Variants in DYRK1B observed in about 807,000 individuals in gnomAD.
DYRK1B encodes the protein dual specificity tyrosine-phosphorylation-regulated kinase 1B.
A neutral mutation model predicts 57.1 loss-of-function variants in DYRK1B; 20 were observed. That is an observed-to-expected ratio of 0.35 (90% CI 0.25 to 0.51). The LOEUF (loss-of-function observed/expected upper bound fraction) is 0.51, where lower values mean the gene tolerates loss of function less well. DYRK1B is among the 20% of genes least tolerant of loss of function. DYRK1B has a pLI of 0.96. For missense variants in DYRK1B, 732 were observed against 886.3 expected (o/e 0.83, Z 2.21); for synonymous variants, 409 against 384.7 (o/e 1.06, Z -0.74).
rs370097446 is a variant in DYRK1B, at chr19:39,826,546, G to A, written c.1411+126C>T. ...CAGTTGGAGCTCTCCCATCCCACACGTCATCTTACAGTTCAGGATCAGTTT... is the reference window on the plus strand; with the variant it reads ...CAGTTGGAGCTCTCCCATCCCACACATCATCTTACAGTTCAGGATCAGTTT... On this transcript the variant is annotated intron_variant, in intron 9 of 10. Coordinates refer to ENST00000323039, the MANE Select transcript of DYRK1B (RefSeq NM_004714.3). The surrounding 1 kb of genome is among the most constrained non-coding windows in gnomAD (Gnocchi z 6.3). 5.2e-5 allele frequency: 59 copies of A among 1,132,836 alleles called. No individual in the cohort carries two copies. The East Asian group carries it at 8.2e-4, about 16-fold the overall frequency. The allele number at this position is 1,132,836 out of a possible 1,614,324, so 70.2% of individuals were successfully genotyped here.
At position 39,829,921 on chromosome 19, in the gene DYRK1B, T is replaced by C; in HGVS notation, c.479A>G (p.Glu160Gly). The change falls in exon 5 of 11, where the codon GAG (glutamate) becomes GGG (glycine). Residue 160 changes from glutamate to glycine, a missense_variant. Coordinates refer to ENST00000323039, the MANE Select transcript of DYRK1B (RefSeq NM_004714.3). ...CTCCGTGTCATGCTGGTTCATCAGC[T>C]CCAGCAGCCGCAGCTCAATCTGGGC... ...NQAQIELRLL[E>G]LMNQHDTEMK... The C allele has an allele frequency of 6.2e-7, 1 of 1,614,062 alleles. No individual in the cohort carries two copies.
intron 1 of DYRK1B, among the ~76,000 whole-genome samples, chr19:39,832,713 G>A (rs978349803): frequency 6.6e-6 from 1 of 152,106 alleles, no homozygotes; most frequent in South Asian, 2.1e-4. Context: ...TGCCAAGACC[G>A]CTTCCCTATT....
At position 39,825,690 on chromosome 19, in the gene DYRK1B, G is replaced by A. The variant is rs1229241494; in HGVS notation, c.*25C>T. 6.5e-7 allele frequency: 1 copy of A among 1,542,712 alleles called. No homozygotes were observed. The highest frequency in any genetic ancestry group is 2.0e-5 in the Admixed American group (1 of 50,978). Reference sequence around the variant, plus strand: ...CAGATGGGGGAGGGTATGGCTTCAGGAGGGGCCCCAGGGAGGGGGCAGGGT... The same window carrying A: ...CAGATGGGGGAGGGTATGGCTTCAGAAGGGGCCCCAGGGAGGGGGCAGGGT... On this transcript the variant is annotated 3_prime_UTR_variant, in exon 11 of 11. Coordinates refer to ENST00000323039, the MANE Select transcript of DYRK1B (RefSeq NM_004714.3).
intron 5 of DYRK1B, among the ~76,000 whole-genome samples, chr19:39,829,232 G>GT (rs948509779): frequency 0.052 from 7,459 of 142,568 alleles, 280 homozygotes; most frequent in Middle Eastern, 0.082. Flanking sequence ...TTTGTTTTGG[G>GT]TTTTTTTTTT....
rs2145035453 is a variant in DYRK1B at position 39,831,824 on chromosome 19, C to T, written c.44G>A (p.Gly15Glu). The change falls in exon 2 of 11, where the codon GGG becomes GAG. Residue 15 changes from glycine to glutamate, a missense_variant. By Grantham distance (98) the Gly-to-Glu change is moderately conservative (BLOSUM62 -2). Coordinates refer to ENST00000323039, the MANE Select transcript of DYRK1B (RefSeq NM_004714.3). ...PGHGPFSGFP[G>E]PQEHTQVLPD... is the part of the protein sequence containing the mutation. ...GCGTACCTGCGTGTGCTCCTGGGGC[C>T]CTGGGAAGCCAGAGAAGGGACCATG... 6.5e-7 allele frequency: 1 copy of T among 1,544,504 alleles called. No individual in the cohort carries two copies. The highest frequency in any genetic ancestry group is 8.7e-7 in the Non-Finnish European group (1 of 1,144,186).
intron 8 of DYRK1B, 41 bp from the exon 9 acceptor site, chr19:39,827,028 G>A (rs944877901): frequency 1.1e-5 from 15 of 1,372,196 alleles, no homozygotes; most frequent in South Asian, 1.5e-5. Flanking sequence ...GAGAGTGGCC[G>A]TCAGTGGGCA....
rs1462681347 is a variant in DYRK1B at position 39,826,288 on chromosome 19, TG to T, written c.1412-3del. 12 of 1,568,344 alleles carry T rather than the reference TG, an allele frequency of 7.7e-6. No individual in the cohort carries two copies. Among genetic ancestry groups the T allele is most frequent in the East Asian group, 2.3e-5 (1 of 43,812 alleles). Reference sequence around the variant, plus strand: ...CACTGGAGGAGCCACTGGAGCCTCCTGGAAGTGCCAGGGAGGAGAGGTGAAG... The same window carrying T: ...CACTGGAGGAGCCACTGGAGCCTCCTGAAGTGCCAGGGAGGAGAGGTGAAG... On this transcript the variant is annotated splice_region_variant and splice_polypyrimidine_tract_variant and intron_variant, in intron 9 of 10. Transcript: ENST00000323039. This position sits in a 1 kb window ranked among gnomAD's most constrained non-coding sequence, Gnocchi z 6.3.
rs144045980 is a variant in DYRK1B, at chr19:39,826,206, T to C, written c.1492A>G (p.Thr498Ala). Reference protein sequence around the residue: ...RYCGGPGPPITDCEMNSPQVP... With the variant: ...RYCGGPGPPIADCEMNSPQVP... ...TGGGGGCTGTTCATCTCACAGTCTGTGATAGGGGGCCCAGGGCCCCCACAA... is the reference window on the plus strand; with the variant it reads ...TGGGGGCTGTTCATCTCACAGTCTGCGATAGGGGGCCCAGGGCCCCCACAA... Residue 498 changes from threonine (T) to alanine (A), a missense_variant, in exon 10 of 11, where the codon ACA becomes GCA. Coordinates refer to ENST00000323039, the MANE Select transcript of DYRK1B (RefSeq NM_004714.3). The surrounding 1 kb of genome is among the most constrained non-coding windows in gnomAD (Gnocchi z 6.3). 3 of 1,575,166 alleles carry C rather than the reference T, an allele frequency of 1.9e-6. No individual in the cohort carries two copies. The highest frequency in any genetic ancestry group is 2.6e-6 in the Non-Finnish European group (3 of 1,163,066).
chr19:39,828,496 T>C lies in DYRK1B; in HGVS notation c.608A>G (p.Asn203Ser). 1.2e-6 allele frequency: 2 copies of C among 1,613,670 alleles called. No homozygotes were observed. The highest frequency in any genetic ancestry group is 1.7e-6 in the Non-Finnish European group (2 of 1,179,880). ...CAGCGAGACGCCGCGGAAGTGGGTGTTGCGCAGGAGGTCGTACAGGTTGTA... is the reference window on the plus strand; with the variant it reads ...CAGCGAGACGCCGCGGAAGTGGGTGCTGCGCAGGAGGTCGTACAGGTTGTA... Reference protein sequence around the residue: ...LSYNLYDLLRNTHFRGVSLNL... With the variant: ...LSYNLYDLLRSTHFRGVSLNL... The change falls in exon 6 of 11, where the codon AAC (asparagine) becomes AGC (serine). Residue 203 changes from asparagine to serine, a missense_variant. Asn to Ser is a conservative substitution (Grantham distance 46). This residue lies in a region of DYRK1B where 510 missense variants were observed against 681.3 expected (regional missense o/e 0.75). Transcript: ENST00000323039. The surrounding 1 kb of genome is among the most constrained non-coding windows in gnomAD (Gnocchi z 4.3).
At position 39,828,660 on chromosome 19, in the gene DYRK1B, G is replaced by A. The variant is rs1368785938; in HGVS notation, c.521-77C>T. ...AGGTGGTGGCCTGGGGTCATACAACGCTCTTTGATTACTAGCCACATTGTG... is the reference window on the plus strand; with the variant it reads ...AGGTGGTGGCCTGGGGTCATACAACACTCTTTGATTACTAGCCACATTGTG... On this transcript the variant is annotated intron_variant, in intron 5 of 10. Transcript: ENST00000323039. This position sits in a 1 kb window ranked among gnomAD's most constrained non-coding sequence, Gnocchi z 4.3. The A allele has an allele frequency of 2.1e-5, 30 of 1,446,092 alleles. No individual in the cohort carries two copies. The highest frequency in any genetic ancestry group is 1.3e-4 in the African/African-American group (9 of 71,428). The allele number at this position is 1,446,092 out of a possible 1,614,324, so 89.6% of individuals were successfully genotyped here.
In DYRK1B at chr19:39,830,132, A is replaced by G. The variant is rs1968738165; in HGVS notation, c.373-105T>C. On this transcript the variant is annotated intron_variant, in intron 4 of 10. Coordinates refer to ENST00000323039, the MANE Select transcript of DYRK1B (RefSeq NM_004714.3). ...GAGACCCACCAAGAACACTATGCAT[A>G]CTTCGCAGCTGAGTGCGCACCATTA... 4 of 1,435,084 alleles carry G rather than the reference A, an allele frequency of 2.8e-6. No individual in the cohort carries two copies. In the Admixed American group the frequency reaches 6.2e-5, roughly 22 times the overall value. The allele number at this position is 1,435,084 out of a possible 1,614,324, so 88.9% of individuals were successfully genotyped here. A position where few individuals can be genotyped will look rare whatever the true frequency, so the allele number is the denominator to read the frequency against.
At position 39,826,064 on chromosome 19, in the gene DYRK1B, C is replaced by G; in HGVS notation, c.1541G>C (p.Arg514Pro). Residue 514 changes from arginine to proline, a missense_variant, in exon 11 of 11, where the codon CGG (arginine) becomes CCG (proline). By Grantham distance (103) the Arg-to-Pro change is moderately radical (BLOSUM62 -2). This residue lies in a region of DYRK1B where 222 missense variants were observed against 205.0 expected (regional missense o/e 1.08). Coordinates refer to ENST00000323039, the MANE Select transcript of DYRK1B (RefSeq NM_004714.3). This position sits in a 1 kb window ranked among gnomAD's most constrained non-coding sequence, Gnocchi z 6.3. ...GGGCACATCACCCCCTGCCCAGGGC[C>G]GCAGCGGCTGGGAGGGTGGGACCTA... ...SPQVPPSQPL[R>P]PWAGGDVPHK... The G allele has an allele frequency of 2.0e-6, 3 of 1,520,316 alleles. No individual in the cohort carries two copies. Among genetic ancestry groups the G allele is most frequent in the Non-Finnish European group, 2.6e-6 (3 of 1,137,252 alleles). The allele number at this position is 1,520,316 out of a possible 1,614,324, so 94.2% of individuals were successfully genotyped here.
At position 39,826,109 on chromosome 19, in the gene DYRK1B, G is replaced by C; in HGVS notation, c.1519-23C>G. On this transcript the variant is annotated intron_variant, in intron 10 of 10. Transcript: ENST00000323039. The surrounding 1 kb of genome is among the most constrained non-coding windows in gnomAD (Gnocchi z 6.3). Reference sequence around the variant, plus strand: ...GACCTAAAAAAGCAAAGGAGCCATGGGTGATGGAGACCCTGGTCTCTAAGC... The same window carrying C: ...GACCTAAAAAAGCAAAGGAGCCATGCGTGATGGAGACCCTGGTCTCTAAGC... 1.3e-6 allele frequency: 2 copies of C among 1,543,716 alleles called. No individual in the cohort carries two copies. The highest frequency in any genetic ancestry group is 1.7e-6 in the Non-Finnish European group (2 of 1,151,432).
At position 39,826,560 on chromosome 19, in the gene DYRK1B, C is replaced by A; in HGVS notation, c.1411+112G>T. On this transcript the variant is annotated intron_variant, in intron 9 of 10. Coordinates refer to ENST00000323039, the MANE Select transcript of DYRK1B (RefSeq NM_004714.3). This position sits in a 1 kb window ranked among gnomAD's most constrained non-coding sequence, Gnocchi z 6.3. ...CCATCCCACACGTCATCTTACAGTTCAGGATCAGTTTCGGCGCTTTGTGTG... is the reference window on the plus strand; with the variant it reads ...CCATCCCACACGTCATCTTACAGTTAAGGATCAGTTTCGGCGCTTTGTGTG... 1 of 1,217,480 alleles carries A rather than the reference C, an allele frequency of 8.2e-7. No individual in the cohort carries two copies. The highest frequency in any genetic ancestry group is 1.1e-6 in the Non-Finnish European group (1 of 907,310). 75.4% of individuals were successfully genotyped at this position (1,217,480 alleles called of 1,614,324 possible).
In DYRK1B at chr19:39,831,980, C is replaced by A; in HGVS notation, c.-101-12G>T. The A allele has an allele frequency of 7.0e-7, 1 of 1,419,400 alleles. No homozygotes were observed. The highest frequency in any genetic ancestry group is 9.2e-7 in the Non-Finnish European group (1 of 1,089,130). 87.9% of individuals were successfully genotyped at this position (1,419,400 alleles called of 1,614,324 possible). On this transcript the variant is annotated splice_polypyrimidine_tract_variant and intron_variant, in intron 1 of 10. Transcript: ENST00000323039. ...ACCGCCGCTGAGACCTGAGAGCAGA[C>A]AGGAAGTGGGAAAACAACATGGAAC...
chr19:39,827,052 G>A, intron 8 of DYRK1B, 65 bp from the exon 9 acceptor site: 1 of 1,300,772 alleles, frequency 7.7e-7, no homozygotes, highest in Non-Finnish European at 1.0e-6. Context: ...GGGGCAGGGA[G>A]ACACACACGG....
At position 39,827,571 on chromosome 19, in the gene DYRK1B, G is replaced by T; in HGVS notation, c.893C>A (p.Ser298Tyr). The T allele has an allele frequency of 6.2e-7, 1 of 1,614,124 alleles. No individual in the cohort carries two copies. The highest frequency in any genetic ancestry group is 8.5e-7 in the Non-Finnish European group (1 of 1,179,990). The change falls in exon 7 of 11, where the codon TCC (serine) becomes TAC (tyrosine). Residue 298 changes from serine (S) to tyrosine (Y), a missense_variant. Physicochemically the swap from Ser to Tyr is moderately radical, Grantham distance 144. Coordinates refer to ENST00000323039, the MANE Select transcript of DYRK1B (RefSeq NM_004714.3). ...CATCTCCACAAGGATGCAGCCCAGG[G>T]ACCACATGTCAATGGCCAGGTCGTA... The part of the protein sequence containing the change: ...TPYDLAIDMW[S>Y]LGCILVEMHT...
rs760848598 is a variant in DYRK1B at position 39,830,446 on chromosome 19, C to T, written c.301G>A (p.Val101Met). 2 of 1,614,198 alleles carry T rather than the reference C, an allele frequency of 1.2e-6. No homozygotes were observed. The highest frequency in any genetic ancestry group is 1.7e-6 in the Non-Finnish European group (2 of 1,180,050). ...GYDDDNHDYI[V>M]RSGERWLERY... ...TCCAGCCAGCGCTCGCCACTGCGCACGATGTAGTCATGGTTGTCGTCATCA... is the reference window on the plus strand; with the variant it reads ...TCCAGCCAGCGCTCGCCACTGCGCATGATGTAGTCATGGTTGTCGTCATCA... The change falls in exon 4 of 11, where the codon GTG becomes ATG. Residue 101 changes from valine (V) to methionine (M), a missense_variant. By Grantham distance (21) the Val-to-Met change is conservative. Around this residue, in one of 2 missense-constraint regions of DYRK1B, gnomAD observed 510 missense variants for 681.3 expected, o/e 0.75. Transcript: ENST00000323039.
In DYRK1B at chr19:39,831,764, C is replaced by A. The variant is rs974824138; in HGVS notation, c.63+41G>T. Reference sequence around the variant, plus strand: ...TGGAGACCTTTCTATCCCCAGCCTCCCCCTACCACCACGCAGGTGAGGAGC... The same window carrying A: ...TGGAGACCTTTCTATCCCCAGCCTCACCCTACCACCACGCAGGTGAGGAGC... On this transcript the variant is annotated intron_variant, in intron 2 of 10. Coordinates refer to ENST00000323039, the MANE Select transcript of DYRK1B (RefSeq NM_004714.3). 10 of 1,549,138 alleles carry A rather than the reference C, an allele frequency of 6.5e-6. No individual in the cohort carries two copies. In the East Asian group the frequency reaches 2.4e-4, roughly 38 times the overall value.
Sources: allele counts gnomAD v4.1 joint callset (sites outside exome capture counted in the v4.1 genomes callset), GRCh38; gene constraint gnomAD v4.1.1; regional missense constraint gnomAD v4.1.1; non-coding constraint Gnocchi (gnomAD v3.1); transcripts MANE v1.5; gene names NCBI Gene and HGNC (gene_info 2026-07-23, HGNC 2026-07-21).